The following FRS3 variants were observed in gnomAD, a reference collection of about 807,000 sequenced individuals.
FRS3 encodes fibroblast growth factor receptor substrate 3.
Under a neutral mutation model 41.9 loss-of-function variants are expected in FRS3, and 17 were observed. The ratio of observed to expected loss-of-function variants is 0.41; its 90% CI spans 0.28 to 0.61. The LOEUF is 0.61. FRS3 is among the 20% of genes least tolerant of loss of function. The pLI, the probability that FRS3 is intolerant of heterozygous loss-of-function variation, is 0.36. For synonymous variants in FRS3, 287 were observed against 274.5 expected, an observed-to-expected ratio of 1.05 and a Z score of -0.45; for missense variants, 619 against 672.1, an observed-to-expected ratio of 0.92 and a Z score of 0.87.
intron 4 of FRS3, among the ~76,000 whole-genome samples, chr6:41,773,439 G>A (rs1267333382): frequency 6.6e-6 from 1 of 151,954 alleles, no homozygotes; most frequent in Non-Finnish European, 1.5e-5. Flanking sequence ...TAGAATCCAA[G>A]AGCTACTAGA....
chr6:41,772,062 G>C lies in FRS3; in HGVS notation c.416-98C>G, dbSNP rs1428974619. On this transcript the variant is annotated intron_variant, in intron 5 of 6. Transcript: ENST00000373018. Reference sequence around the variant, plus strand: ...GGCATCCTGGGACTCCTCTAATGGAGGACAGATGTTCTCAGGGCGTCACAG... The same window carrying C: ...GGCATCCTGGGACTCCTCTAATGGACGACAGATGTTCTCAGGGCGTCACAG... 4.0e-6 allele frequency: 4 copies of C among 989,602 alleles called. No homozygotes were observed. In the East Asian group the frequency reaches 1.1e-4, roughly 26 times the overall value. 61.3% of individuals were successfully genotyped at this position (989,602 alleles called of 1,614,324 possible).
At chr6:41,779,548 G>A (rs1045483671) in intron 1 of FRS3, among the ~76,000 whole-genome samples, 2 of 152,002 alleles carry the variant, frequency 1.3e-5, no homozygotes, top group African/African-American at 4.8e-5. Context: ...TGTGTCCAGG[G>A]CGGAGAGGGT....
chr6:41,777,228 G>C (rs780853600), intron 2 of FRS3, among the ~76,000 whole-genome samples: 1 of 152,226 alleles, frequency 6.6e-6, no homozygotes, highest in African/African-American at 2.4e-5. Context: ...GATGAATGCC[G>C]ATGGGGGGCT....
intron 4 of FRS3, 103 bp from the exon 5 acceptor site, chr6:41,773,062 G>A: frequency 1.2e-6 from 1 of 858,544 alleles, no homozygotes; most frequent in Non-Finnish European, 1.9e-6. Flanking sequence ...CCAGTCCCAG[G>A]CCTGTAGGGG....
In FRS3 at chr6:41,770,978, T is replaced by C. The variant is rs771914999; in HGVS notation, c.1120A>G (p.Thr374Ala). The C allele has an allele frequency of 1.9e-6, 3 of 1,612,920 alleles. No homozygotes were observed. The highest frequency in any genetic ancestry group is 2.2e-5 in the South Asian group (2 of 91,056). Residue 374 changes from threonine to alanine, a missense_variant, in exon 7 of 7, where the codon ACC becomes GCC. By Grantham distance (58) the Thr-to-Ala change is moderately conservative (BLOSUM62 0). This residue lies in a region of FRS3 where 487 missense variants were observed against 478.3 expected (regional missense o/e 1.02). Transcript: ENST00000373018. ...CTGCGGATGGCGGCCCGGGTGCTGG[T>C]GGGCTTCTGCAGTGGGGTCTCGTCC... ...EEDETPLQKPTSTRAAIRSHG... is the reference protein window; with the variant it reads ...EEDETPLQKPASTRAAIRSHG...
At chr6:41,775,651 G>A (rs766262686) in intron 3 of FRS3, 46 bp from the exon 4 acceptor site, 3 of 1,436,908 alleles carry the variant, frequency 2.1e-6, no homozygotes, top group African/African-American at 2.8e-5. Context: ...TCCAACAAGT[G>A]TTTGCATGGG....
Position 41,775,417 on chromosome 6 carries a change from A to G in FRS3, c.253+2T>C. On this transcript the variant is annotated splice_donor_variant, in intron 4 of 6. Coordinates refer to ENST00000373018, the MANE Select transcript of FRS3 (RefSeq NM_006653.5). LOFTEE classifies it high-confidence loss of function. ...CAGGGTGGAGCAGGGCCTGGTACTCACCCTGGCCTGTCTGACATCGGCGGC... is the reference window on the plus strand; with the variant it reads ...CAGGGTGGAGCAGGGCCTGGTACTCGCCCTGGCCTGTCTGACATCGGCGGC... 6.2e-7 allele frequency: 1 copy of G among 1,608,674 alleles called. No individual in the cohort carries two copies. Among genetic ancestry groups the G allele is most frequent in the East Asian group, 2.2e-5 (1 of 44,806 alleles).
chr6:41,772,213 C>T (rs1050005036), intron 5 of FRS3, among the ~76,000 whole-genome samples: 2 of 152,156 alleles, frequency 1.3e-5, no homozygotes, highest in Admixed American at 6.5e-5. Context: ...TAGCCTCACC[C>T]GAAACGCATA....
At chr6:41,773,067 T>C (rs564580216) in intron 4 of FRS3, 108 bp from the exon 5 acceptor site, 2 of 821,820 alleles carry the variant, frequency 2.4e-6, no homozygotes, top group Admixed American at 2.1e-5. Flanking sequence ...CCCAGGCCTG[T>C]AGGGGCAGGA....
chr6:41,774,021 C>G (rs1772362023), intron 4 of FRS3, among the ~76,000 whole-genome samples: 2 of 152,086 alleles, frequency 1.3e-5, no homozygotes, highest in Non-Finnish European at 2.9e-5. Context: ...GCGATCTCAG[C>G]TCACTGCAAG....
At chr6:41,775,677 G>T in intron 3 of FRS3, 72 bp from the exon 4 acceptor site, 1 of 1,111,450 alleles carries the variant, frequency 9.0e-7, no homozygotes, top group East Asian at 2.5e-5. Context: ...GAGCCACTGG[G>T]AGACAATCTG....
rs752006777 is a variant in FRS3, at chr6:41,772,832, C to G, written c.381G>C (p.Glu127Asp). The G allele has an allele frequency of 6.2e-7, 1 of 1,612,898 alleles. No individual in the cohort carries two copies. The highest frequency in any genetic ancestry group is 8.5e-7 in the Non-Finnish European group (1 of 1,179,848). Reference sequence around the variant, plus strand: ...GCTGGGGGGCTCGAGGGAGGTCAAGCTCAGCGGGGTGGCTATTGCGGGTGA... The same window carrying G: ...GCTGGGGGGCTCGAGGGAGGTCAAGGTCAGCGGGGTGGCTATTGCGGGTGA... ...VIITRNSHPA[E>D]LDLPRAPQPP... is the part of the protein sequence containing the mutation. The change falls in exon 5 of 7, where the codon GAG becomes GAC. Residue 127 changes from glutamate (E) to aspartate (D), a missense_variant. Glu to Asp is a conservative substitution (Grantham distance 45). Transcript: ENST00000373018.
chr6:41,779,552 A>C (rs1772485655), intron 1 of FRS3, among the ~76,000 whole-genome samples: 1 of 151,616 alleles, frequency 6.6e-6, no homozygotes, highest in Non-Finnish European at 1.5e-5. Flanking sequence ...TCCAGGGCGG[A>C]GAGGGTAGAG....
Position 41,772,868 on chromosome 6 carries a change from C to A in FRS3, c.345G>T (p.Glu115Asp). ...MQCNSINVME[E>D]PVIITRNSHP... ...GGCTATTGCGGGTGATGATGACAGG[C>A]TCTTCCATCACATTGATGCTGTTGC... The change falls in exon 5 of 7, where the codon GAG becomes GAT. Residue 115 changes from glutamate (E) to aspartate (D), a missense_variant. Physicochemically the swap from Glu to Asp is conservative, Grantham distance 45 (BLOSUM62 2). Transcript: ENST00000373018. 1.2e-6 allele frequency: 2 copies of A among 1,613,792 alleles called. No homozygotes were observed. Among genetic ancestry groups the A allele is most frequent in the Non-Finnish European group, 1.7e-6 (2 of 1,179,914 alleles).
rs146730626 is a variant in FRS3 at position 41,772,803 on chromosome 6, G to C, written c.410C>G (p.Pro137Arg). ...ELDLPRAPQP[P>R]NALGYTVSSF... ...GTACACTGGGGTCTCCTCACCATTGGGTGGCTGGGGGGCTCGAGGGAGGTC... is the reference window on the plus strand; with the variant it reads ...GTACACTGGGGTCTCCTCACCATTGCGTGGCTGGGGGGCTCGAGGGAGGTC... The change falls in exon 5 of 7, where the codon CCC (proline) becomes CGC (arginine). Residue 137 changes from proline (P) to arginine (R), a missense_variant. By Grantham distance (103) the Pro-to-Arg change is moderately radical. This residue lies in a region of FRS3 where 487 missense variants were observed against 478.3 expected (regional missense o/e 1.02). Transcript: ENST00000373018. 1,594 of 1,591,638 alleles carry C rather than the reference G, an allele frequency of 1.0e-3. 33 individuals are homozygous for C. In the East Asian group the frequency reaches 0.033, roughly 33 times the overall value.
chr6:41,773,071 G>T, intron 4 of FRS3, 112 bp from the exon 5 acceptor site: 2 of 781,112 alleles, frequency 2.6e-6, no homozygotes, highest in Non-Finnish European at 2.1e-6. Context: ...GGCCTGTAGG[G>T]GCAGGAGAGC....
At position 41,771,256 on chromosome 6, in the gene FRS3, G is replaced by A. The variant is rs913808081; in HGVS notation, c.842C>T (p.Ala281Val). Reference sequence around the variant, plus strand: ...GTTCTCGTAGGTGCACTTGGGCTGGGCTGGACACTCAGAAGGGGCCTCATT... The same window carrying A: ...GTTCTCGTAGGTGCACTTGGGCTGGACTGGACACTCAGAAGGGGCCTCATT... Reference protein sequence around the residue: ...NNNEAPSECPAQPKCTYENVT... With the variant: ...NNNEAPSECPVQPKCTYENVT... Residue 281 changes from alanine to valine, a missense_variant, in exon 7 of 7, where the codon GCC becomes GTC. By Grantham distance (64) the Ala-to-Val change is moderately conservative. Around this residue, in one of 3 missense-constraint regions of FRS3, gnomAD observed 487 missense variants for 478.3 expected, o/e 1.02. Coordinates refer to ENST00000373018, the MANE Select transcript of FRS3 (RefSeq NM_006653.5). 1 of 1,606,916 alleles carries A rather than the reference G, an allele frequency of 6.2e-7. No homozygotes were observed. The highest frequency in any genetic ancestry group is 1.7e-4 in the Middle Eastern group (1 of 6,028).
intron 5 of FRS3, among the ~76,000 whole-genome samples, chr6:41,772,252 C>T (rs1234930857): frequency 6.6e-6 from 1 of 152,200 alleles, no homozygotes; most frequent in African/African-American, 2.4e-5. Context: ...CTGGACCGTC[C>T]CTTTGCTTCA....
rs753415740 is a variant in FRS3 at position 41,771,018 on chromosome 6, G to A, written c.1080C>T (p.Phe360=). The A allele has an allele frequency of 2.5e-6, 4 of 1,612,952 alleles. No homozygotes were observed. The highest frequency in any genetic ancestry group is 2.2e-5 in the East Asian group (1 of 44,876). ...GGGTCTCGTCCTCCTCACCATCAGG[G>A]AAGCCATTGGAAGAGGGTGTGAGCC... ...RDGLTPSSNG[F]PDGEEDETPL... The change falls in exon 7 of 7, where the codon TTC becomes TTT. Residue 360 remains phenylalanine (F), a synonymous_variant. Transcript: ENST00000373018.
Sources: allele counts gnomAD v4.1 joint callset (sites outside exome capture counted in the v4.1 genomes callset), GRCh38; gene constraint gnomAD v4.1.1; regional missense constraint gnomAD v4.1.1; transcripts MANE v1.5; gene names NCBI Gene and HGNC (gene_info 2026-07-23, HGNC 2026-07-21).